Variants in KLRG1 observed in about 807,000 individuals in gnomAD.
KLRG1 encodes the protein killer cell lectin like receptor G1.
In KLRG1, 16 loss-of-function variants were observed where a neutral mutation model predicts 21.8. The ratio of observed to expected loss-of-function variants is 0.73; its 90% CI spans 0.50 to 1.11. The LOEUF (loss-of-function observed/expected upper bound fraction) is 1.11, where lower values mean the gene tolerates loss of function less well. Among genes scored for constraint, KLRG1 ranks in the 50% most tolerant of loss-of-function variants. The probability of loss-of-function intolerance (pLI) is 0.00; values close to 1 mark genes in which losing one functional copy is unlikely to be tolerated. For missense variants in KLRG1, 173 were observed against 218.3 expected (o/e 0.79, Z 1.31); for synonymous variants, 69 against 75.9 (o/e 0.91, Z 0.47).
chr12:9,090,749 A>G, the KLRG1 span, among the ~76,000 whole-genome samples: 183 of 152,230 alleles, frequency 1.2e-3, 2 homozygotes, highest in African/African-American at 4.4e-3. Flanking sequence ...ATGCTGCTCT[A>G]CCTCTTTGGT....
At chr12:9,020,721 A>G in the KLRG1 span, among the ~76,000 whole-genome samples, 1 of 152,226 alleles carries the variant, frequency 6.6e-6, no homozygotes, top group East Asian at 1.9e-4. Flanking sequence ...AGCTGTTATG[A>G]ACATTTGGAT....
the KLRG1 span, among the ~76,000 whole-genome samples, chr12:9,146,448 T>C: frequency 6.6e-6 from 1 of 152,194 alleles, no homozygotes; most frequent in Non-Finnish European, 1.5e-5. Flanking sequence ...AGCATCTTTA[T>C]GAGAATTATT....
At chr12:9,154,960 C>T in the KLRG1 span, 2 of 1,031,418 alleles carry the variant, frequency 1.9e-6, no homozygotes, top group Non-Finnish European at 2.8e-6. Flanking sequence ...GCAAGGTCTT[C>T]TATGTCATAA....
the KLRG1 span, among the ~76,000 whole-genome samples, chr12:9,085,195 C>T: frequency 1.3e-5 from 2 of 151,998 alleles, no homozygotes; most frequent in African/African-American, 4.8e-5. Flanking sequence ...TGGATACATA[C>T]AGAACATTTC....
At chr12:9,052,436 G>A in the KLRG1 span, among the ~76,000 whole-genome samples, 4 of 152,160 alleles carry the variant, frequency 2.6e-5, no homozygotes, top group South Asian at 2.1e-4. Flanking sequence ...CACAAGAAGC[G>A]GACAATCACG....
the KLRG1 span, chr12:9,194,105 C>T: frequency 1.2e-6 from 2 of 1,613,682 alleles, no homozygotes; most frequent in South Asian, 1.1e-5. Flanking sequence ...AACCGAGATA[C>T]TGGTAGTATT....
chr12:9,169,245 A>C, the KLRG1 span, among the ~76,000 whole-genome samples: 9 of 152,154 alleles, frequency 5.9e-5, no homozygotes, highest in African/African-American at 1.9e-4. Context: ...TCTAGCCCTG[A>C]CTCACATACT....
At chr12:9,149,505 C>G in the KLRG1 span, 1 of 1,496,398 alleles carries the variant, frequency 6.7e-7, no homozygotes. Context: ...ATTGCAGGGG[C>G]CCTTGGAGAG....
At chr12:9,018,807 A>G in the KLRG1 span, among the ~76,000 whole-genome samples, 1 of 152,178 alleles carries the variant, frequency 6.6e-6, no homozygotes, top group African/African-American at 2.4e-5. Flanking sequence ...TAAATAAAAG[A>G]CTTCAAATTA....
At chr12:9,107,049 A>T in the KLRG1 span, among the ~76,000 whole-genome samples, 1 of 152,178 alleles carries the variant, frequency 6.6e-6, no homozygotes, top group Admixed American at 6.5e-5. Context: ...TTTGAAATAC[A>T]CAGTACATCT....
the KLRG1 span, chr12:9,027,550 AGCT>A: frequency 3.9e-5 from 44 of 1,115,120 alleles, no homozygotes; most frequent in Non-Finnish European, 5.5e-5. Flanking sequence ...CCACTGCCAT[AGCT>A]GCTGCTGCTA....
intron 1 of KLRG1, among the ~76,000 whole-genome samples, chr12:8,978,660 CTTT>C (rs1946701376): frequency 7.7e-6 from 1 of 129,424 alleles, no homozygotes; most frequent in African/African-American, 2.6e-5. Flanking sequence ...TTCTTTCTTT[CTTT>C]CTTTCTTTCT....
the KLRG1 span, among the ~76,000 whole-genome samples, chr12:9,043,765 T>C: frequency 6.6e-6 from 1 of 152,252 alleles, no homozygotes; most frequent in East Asian, 1.9e-4. Flanking sequence ...ATGGAAGTAA[T>C]ACATGACTTC....
chr12:9,186,054 C>T, the KLRG1 span, among the ~76,000 whole-genome samples: 8 of 152,150 alleles, frequency 5.3e-5, no homozygotes, highest in South Asian at 1.5e-3. Context: ...GATCTGACCA[C>T]CTTGACCCCC....
chr12:9,095,337 A>C, the KLRG1 span, among the ~76,000 whole-genome samples: 1 of 152,232 alleles, frequency 6.6e-6, no homozygotes, highest in African/African-American at 2.4e-5. Flanking sequence ...GTGAAAAAAG[A>C]AAACTTGAAT....
chr12:9,103,608 T>C, the KLRG1 span, among the ~76,000 whole-genome samples: 2 of 152,210 alleles, frequency 1.3e-5, no homozygotes, highest in Non-Finnish European at 2.9e-5. Flanking sequence ...CATCCTGTTT[T>C]CTGTTTCTAT....
chr12:9,096,405 T>C, the KLRG1 span, among the ~76,000 whole-genome samples: 1 of 152,204 alleles, frequency 6.6e-6, no homozygotes, highest in East Asian at 1.9e-4. Context: ...TGTGCTTATC[T>C]TGTGGTGAGC....
the KLRG1 span, among the ~76,000 whole-genome samples, chr12:9,142,086 C>T: frequency 1.3e-5 from 2 of 152,144 alleles, no homozygotes; most frequent in Non-Finnish European, 2.9e-5. Context: ...TCTCTTTAAA[C>T]AACTAGTTAA....
chr12:9,100,542 G>A, the KLRG1 span, among the ~76,000 whole-genome samples: 1 of 151,874 alleles, frequency 6.6e-6, no homozygotes, highest in African/African-American at 2.4e-5. Context: ...TTCTCCCAAA[G>A]TACTGGGATT....
Sources: gnomAD v4.1 joint callset for allele counts (sites outside exome capture counted in the v4.1 genomes callset) on GRCh38, gnomAD v4.1.1 for gene constraint, MANE v1.5 for transcripts, NCBI Gene and HGNC (gene_info 2026-07-23, HGNC 2026-07-21) for gene names.